RGS12: variants seen among roughly 807,000 people sequenced by gnomAD.
RGS12 encodes regulator of G-protein signaling 12.
RGS12 carries 66 observed loss-of-function variants against 120.1 expected under a neutral mutation model. The ratio of observed to expected loss-of-function variants is 0.55; its 90% CI spans 0.45 to 0.67. The LOEUF (loss-of-function observed/expected upper bound fraction) is 0.67. Among genes scored for constraint, RGS12 ranks in the 30% least tolerant of loss-of-function variants. RGS12 has a pLI of 0.00. For synonymous variants in RGS12, 827 were observed against 804.7 expected, an observed-to-expected ratio of 1.03 and a Z score of -0.47; for missense variants, 1,859 against 1,957.7, an observed-to-expected ratio of 0.95 and a Z score of 0.95.
At chr4:3,420,076 C>A (rs1722837791) in intron 9 of RGS12, among the ~76,000 whole-genome samples, 2 of 152,142 alleles carry the variant, frequency 1.3e-5, no homozygotes, top group African/African-American at 4.8e-5. Flanking sequence ...TGTAGGTTAG[C>A]CTAAGAATAT....
intron 4 of RGS12, among the ~76,000 whole-genome samples, chr4:3,412,485 G>T (rs551814583): frequency 6.6e-6 from 1 of 152,218 alleles, no homozygotes; most frequent in Non-Finnish European, 1.5e-5. Context: ...AATAAGATGT[G>T]TTCTATTTGC....
At chr4:3,384,676 T>C (rs1340583171) in intron 3 of RGS12, among the ~76,000 whole-genome samples, 1 of 152,158 alleles carries the variant, frequency 6.6e-6, no homozygotes, top group African/African-American at 2.4e-5. Flanking sequence ...AGTGAAGAGA[T>C]GGATGCAGGC....
At chr4:3,382,390 C>T (rs763204366) in intron 3 of RGS12, among the ~76,000 whole-genome samples, 9 of 152,178 alleles carry the variant, frequency 5.9e-5, no homozygotes, top group African/African-American at 1.9e-4. Context: ...CAAGCCCAGC[C>T]GTGGCCTGGA....
At position 3,414,274 on chromosome 4, in the gene RGS12, G is replaced by A. The variant is rs370224671; in HGVS notation, c.2190+33G>A. 266 of 1,510,544 alleles carry A rather than the reference G, an allele frequency of 1.8e-4. No homozygotes were observed. In the African/African-American group the frequency reaches 2.9e-3, roughly 16 times the overall value. The allele number at this position is 1,510,544 out of a possible 1,614,324, so 93.6% of individuals were successfully genotyped here. The stretch of plus-strand genomic sequence containing the variant: ...GGGAAGGGCCCAGGAGCAGCGGAGC[G>A]GTCTGTGCTCTGCAGAGACTACCGA... On this transcript the variant is annotated intron_variant, in intron 5 of 17. Coordinates refer to ENST00000336727, the MANE Select transcript of RGS12 (RefSeq NM_001394154.1).
At chr4:3,386,394 G>GTC in intron 3 of RGS12, 22 bp from the exon 4 acceptor site, 8 of 1,608,942 alleles carry the variant, frequency 5.0e-6, no homozygotes, top group East Asian at 2.2e-5. Flanking sequence ...ATTAACTCAT[G>GTC]TCTCTCTCTC....
chr4:3,425,453 C>T lies in RGS12; in HGVS notation c.3235-11C>T, dbSNP rs778330421. 62 of 1,608,824 alleles carry T rather than the reference C, an allele frequency of 3.9e-5. 1 individual carries two copies. Among genetic ancestry groups the T allele is most frequent in the Non-Finnish European group, 1.7e-5 (20 of 1,176,724 alleles). On this transcript the variant is annotated splice_polypyrimidine_tract_variant and intron_variant, in intron 13 of 17. Transcript: ENST00000336727. ...TCTGGGTAAATTATTCAGTGCTGAT[C>T]TCTGCCCTAGAGTGGAGAGAAGGAG...
chr4:3,309,868 ATCCGGGAATGGCAGGTGTCCG>A (rs1724250814), intron 1 of RGS12, among the ~76,000 whole-genome samples: 2 of 122,522 alleles, frequency 1.6e-5, no homozygotes, highest in African/African-American at 3.3e-5. Flanking sequence ...AGGAGCTGGG[ATCCGGGAATGGCAGGTGTCCG>A]CTGAGGGGAA....
chr4:3,423,112 G>T (rs952633743), intron 12 of RGS12, 134 bp downstream of exon 12: 3 of 648,784 alleles, frequency 4.6e-6, no homozygotes, highest in African/African-American at 3.7e-5. Context: ...GTCGGGGCGG[G>T]GGGAGGGTGG....
At chr4:3,342,852 T>C in intron 2 of RGS12, 85 bp from the exon 3 acceptor site, 4 of 910,508 alleles carry the variant, frequency 4.4e-6, no homozygotes, top group Non-Finnish European at 7.2e-6. Flanking sequence ...CAGTATTCCT[T>C]GATTTTCTGC....
chr4:3,415,575 G>C (rs1344602684), intron 6 of RGS12, among the ~76,000 whole-genome samples: 3 of 152,168 alleles, frequency 2.0e-5, no homozygotes, highest in African/African-American at 4.8e-5. Context: ...GGCCTGGCCC[G>C]GCCTGGCTGC....
At chr4:3,354,921 A>G (rs1714717936) in intron 3 of RGS12, among the ~76,000 whole-genome samples, 1 of 152,242 alleles carries the variant, frequency 6.6e-6, no homozygotes, top group Non-Finnish European at 1.5e-5. Context: ...CTAACAAAAA[A>G]TAAAGAAAGA....
rs965630478 is a variant in RGS12 at position 3,386,014 on chromosome 4, C to T, written c.1999-402C>T. ...TGAGTGGACTGTTGGTGGCTGCCCC[C>T]GAGTGTGGTCCTGGGTGGCGTCACG... On this transcript the variant is annotated intron_variant, in intron 3 of 17. Transcript: ENST00000336727. 6.3e-5 allele frequency: 14 copies of T among 222,226 alleles called. No homozygotes were observed. The East Asian group carries it at 1.1e-3, about 18-fold the overall frequency. The allele number at this position is 222,226 out of a possible 1,614,324, so 13.8% of individuals were successfully genotyped here. A position where few individuals can be genotyped will look rare whatever the true frequency, so the allele number is the denominator to read the frequency against.
chr4:3,414,465 G>A (rs370641155), intron 5 of RGS12: 70 of 601,138 alleles, frequency 1.2e-4, no homozygotes, highest in Admixed American at 2.7e-4. Flanking sequence ...TGGCCCTCCC[G>A]CTCTCTACTG....
chr4:3,338,068 T>A (rs2108757970), intron 2 of RGS12, among the ~76,000 whole-genome samples: 1 of 152,288 alleles, frequency 6.6e-6, no homozygotes, highest in African/African-American at 2.4e-5. Context: ...GATGATTCAC[T>A]GTTTTGTTTT....
At chr4:3,301,817 G>A (rs1475804522) in intron 1 of RGS12, among the ~76,000 whole-genome samples, 1 of 152,076 alleles carries the variant, frequency 6.6e-6, no homozygotes, top group Non-Finnish European at 1.5e-5. Flanking sequence ...GGGGACCTCC[G>A]AGGTGCCAGC....
At chr4:3,353,088 C>T (rs187895033) in intron 3 of RGS12, among the ~76,000 whole-genome samples, 50 of 152,328 alleles carry the variant, frequency 3.3e-4, no homozygotes, top group Non-Finnish European at 5.7e-4. Context: ...GCGTACTTTC[C>T]GCTTCTTGCT....
intron 2 of RGS12, among the ~76,000 whole-genome samples, chr4:3,321,113 G>C (rs1725153390): frequency 6.6e-6 from 1 of 152,190 alleles, no homozygotes; most frequent in Admixed American, 6.5e-5. Flanking sequence ...AAACGCAGCA[G>C]TAATTTGAAC....
At chr4:3,320,711 G>C (rs572489626) in intron 2 of RGS12, among the ~76,000 whole-genome samples, 2 of 152,342 alleles carry the variant, frequency 1.3e-5, no homozygotes, top group East Asian at 3.9e-4. Context: ...GCCTCCCTGT[G>C]TAGTTAGGTG....
In RGS12 at chr4:3,439,402, G is replaced by A. The variant is rs950452958; in HGVS notation, c.4115-53G>A. On this transcript the variant is annotated intron_variant, in intron 17 of 17. Coordinates refer to ENST00000336727, the MANE Select transcript of RGS12 (RefSeq NM_001394154.1). ...GCCTTCGGGGTAGGGGGTGGGTTCCGGGGGCCCAGGGCCGGGCCAGGCAAG... is the reference window on the plus strand; with the variant it reads ...GCCTTCGGGGTAGGGGGTGGGTTCCAGGGGCCCAGGGCCGGGCCAGGCAAG... 1.3e-5 allele frequency: 21 copies of A among 1,580,652 alleles called. 1 individual carries two copies. The highest frequency in any genetic ancestry group is 1.0e-4 in the South Asian group (9 of 90,370).
Sources: gnomAD v4.1 joint callset for allele counts (sites outside exome capture counted in the v4.1 genomes callset) on GRCh38, gnomAD v4.1.1 for gene constraint, MANE v1.5 for transcripts, NCBI Gene and HGNC (gene_info 2026-07-23, HGNC 2026-07-21) for gene names.